SCAPER: variants seen among roughly 807,000 people sequenced by gnomAD.
SCAPER encodes S-phase cyclin A associated protein in the ER.
SCAPER carries 98 observed loss-of-function variants against 182.2 expected under a neutral mutation model. That is an observed-to-expected ratio of 0.54 (90% CI 0.46 to 0.64). The LOEUF (loss-of-function observed/expected upper bound fraction) is 0.64. Among genes scored for constraint, SCAPER ranks in the 30% least tolerant of loss-of-function variants. The pLI is 0.00. For synonymous variants in SCAPER, 605 were observed against 564.6 expected (o/e 1.07, Z -1.01); for missense variants, 1,432 against 1,690.0 (o/e 0.85, Z 2.68).
chr15:76,459,580 T>C (rs1007826336), intron 25 of SCAPER, among the ~76,000 whole-genome samples: 5 of 151,492 alleles, frequency 3.3e-5, no homozygotes, highest in South Asian at 2.1e-4. Flanking sequence ...TGGATATTAA[T>C]TGCTTGTTGG....
intron 26 of SCAPER, among the ~76,000 whole-genome samples, chr15:76,421,599 T>C (rs959073027): frequency 6.6e-6 from 1 of 152,248 alleles, no homozygotes; most frequent in Non-Finnish European, 1.5e-5. Context: ...GTAGTTTCTT[T>C]TGCTGTGCAG....
Position 76,741,036 on chromosome 15 carries a change from T to A in SCAPER, c.1867-7652A>T, listed in dbSNP as rs2061511434. Among the ~76,000 whole-genome samples, 7 of 152,098 alleles carry A rather than the reference T, an allele frequency of 4.6e-5. No homozygotes were observed. The South Asian group carries it at 1.2e-3, about 27-fold the overall frequency. ...TTTCATATTTTATTATCTCAAAAAA[T>A]TCTTATGAGAATGAATTCTTGTGAT... On this transcript the variant is annotated intron_variant, in intron 15 of 31. Transcript: ENST00000563290.
chr15:76,674,418 T>C (rs997909164), intron 20 of SCAPER, among the ~76,000 whole-genome samples: 1 of 152,148 alleles, frequency 6.6e-6, no homozygotes, highest in East Asian at 1.9e-4. Context: ...TCCATAGTAA[T>C]AGAGCTTTAT....
At chr15:76,460,888 T>C (rs2049120241) in intron 25 of SCAPER, among the ~76,000 whole-genome samples, 1 of 152,126 alleles carries the variant, frequency 6.6e-6, no homozygotes, top group South Asian at 2.1e-4. Flanking sequence ...CCTACACAAC[T>C]ACAGCACAAT....
chr15:76,616,800 T>C (rs1250845112), intron 22 of SCAPER, among the ~76,000 whole-genome samples: 1 of 152,122 alleles, frequency 6.6e-6, no homozygotes, highest in Non-Finnish European at 1.5e-5. Context: ...ATTACTACCT[T>C]TTTGGGCCTC....
intron 22 of SCAPER, among the ~76,000 whole-genome samples, chr15:76,577,364 T>C (rs555528666): frequency 2.0e-5 from 3 of 152,242 alleles, no homozygotes; most frequent in South Asian, 2.1e-4. Context: ...GCAGGATCAA[T>C]TGAGTCTCAA....
intron 25 of SCAPER, among the ~76,000 whole-genome samples, chr15:76,466,768 G>T (rs151013072): frequency 2.7e-5 from 4 of 149,162 alleles, no homozygotes; most frequent in Admixed American, 6.7e-5. Flanking sequence ...GAAAACTTTG[G>T]GGGGGATACA....
intron 17 of SCAPER, among the ~76,000 whole-genome samples, chr15:76,706,267 T>A (rs895543974): frequency 2.0e-5 from 3 of 152,114 alleles, no homozygotes; most frequent in Admixed American, 2.0e-4. Context: ...ACTATATTTA[T>A]CTCTATTCCC....
Position 76,795,367 on chromosome 15 carries a change from G to A in SCAPER, c.685C>T (p.His229Tyr). 2 of 1,613,276 alleles carry A rather than the reference G, an allele frequency of 1.2e-6. No individual in the cohort carries two copies. The highest frequency in any genetic ancestry group is 1.7e-6 in the Non-Finnish European group (2 of 1,179,382). The change falls in exon 8 of 32, where the codon CAT becomes TAT. Residue 229 changes from histidine to tyrosine, a missense_variant. Transcript: ENST00000563290. ...GVSWADKVKA[H>Y]HTGSTASSEI... The stretch of plus-strand genomic sequence containing the variant: ...GAAGAAGCAGTAGAGCCTGTATGAT[G>A]AGCCTTTACCTTGTCAGCCCAACTG...
At chr15:76,693,959 A>C (rs1002019712) in intron 20 of SCAPER, among the ~76,000 whole-genome samples, 1 of 152,126 alleles carries the variant, frequency 6.6e-6, no homozygotes, top group Non-Finnish European at 1.5e-5. Flanking sequence ...CTAAACTATA[A>C]TATATACTTA....
chr15:76,843,740 T>C (rs539876264), intron 4 of SCAPER, among the ~76,000 whole-genome samples: 1 of 152,204 alleles, frequency 6.6e-6, no homozygotes, highest in East Asian at 1.9e-4. Flanking sequence ...GAGTATCACT[T>C]GAGCCCAGGA....
chr15:76,813,900 G>A (rs1415108260), intron 5 of SCAPER, among the ~76,000 whole-genome samples: 4 of 152,054 alleles, frequency 2.6e-5, no homozygotes, highest in Admixed American at 1.3e-4. Context: ...GGGTGCAGTC[G>A]CTCACACCCG....
chr15:76,808,341 A>G (rs1414721626), intron 5 of SCAPER, among the ~76,000 whole-genome samples: 1 of 152,110 alleles, frequency 6.6e-6, no homozygotes, highest in African/African-American at 2.4e-5. Context: ...CCAGCAATAA[A>G]ACTAGGTTTG....
chr15:76,778,292 T>C (rs1405160186), intron 8 of SCAPER, among the ~76,000 whole-genome samples: 1 of 152,120 alleles, frequency 6.6e-6, no homozygotes, highest in Non-Finnish European at 1.5e-5. Flanking sequence ...AGGAAACCAA[T>C]TAAAAGGTAA....
Position 76,811,802 on chromosome 15 carries a change from T to TA in SCAPER, c.394-7170dup, listed in dbSNP as rs1462600616. On this transcript the variant is annotated intron_variant, in intron 5 of 31. Transcript: ENST00000563290. ...AAACTCTGCCTCAAAAAATAAAAAA[T>TA]AAAAAAATAAAAAAAATAAAATAAA... Among the ~76,000 whole-genome samples, 5 of 139,166 alleles carry TA rather than the reference T, an allele frequency of 3.6e-5. 1 individual carries two copies. The highest frequency in any genetic ancestry group is 4.5e-4 in the South Asian group (2 of 4,436). 91.3% of individuals were successfully genotyped at this position (139,166 alleles called of 152,430 possible).
At chr15:76,559,786 G>A (rs1417199302) in intron 23 of SCAPER, among the ~76,000 whole-genome samples, 1 of 152,100 alleles carries the variant, frequency 6.6e-6, no homozygotes. Context: ...TACCTGTTGG[G>A]TACTACGCTT....
intron 10 of SCAPER, among the ~76,000 whole-genome samples, chr15:76,770,047 C>A (rs1212127831): frequency 6.6e-6 from 1 of 152,066 alleles, no homozygotes; most frequent in Admixed American, 6.6e-5. Flanking sequence ...AGTTCATGTC[C>A]TTTGCAGGGA....
intron 15 of SCAPER, among the ~76,000 whole-genome samples, chr15:76,734,692 T>C (rs1422024477): frequency 6.6e-6 from 1 of 151,962 alleles, no homozygotes; most frequent in Admixed American, 6.5e-5. Flanking sequence ...CTGGCCAAGA[T>C]GGTGAAACCC....
intron 21 of SCAPER, among the ~76,000 whole-genome samples, chr15:76,652,331 C>CACAT (rs1555519525): frequency 0.014 from 351 of 24,356 alleles, 34 homozygotes; most frequent in Middle Eastern, 0.025. Context: ...CACACACACA[C>CACAT]ATACACATAT....
Sources: allele counts gnomAD v4.1 joint callset (sites outside exome capture counted in the v4.1 genomes callset), GRCh38; gene constraint gnomAD v4.1.1; transcripts MANE v1.5; gene names NCBI Gene and HGNC (gene_info 2026-07-23, HGNC 2026-07-21).